PRPF40B: variants seen among roughly 807,000 people sequenced by gnomAD.
PRPF40B encodes pre-mRNA-processing factor 40 homolog B.
PRPF40B carries 56 observed loss-of-function variants against 124.5 expected under a neutral mutation model. The ratio of observed to expected loss-of-function variants is 0.45; its 90% CI spans 0.36 to 0.56. The LOEUF (loss-of-function observed/expected upper bound fraction) is 0.56, where lower values mean the gene tolerates loss of function less well. Among genes scored for constraint, PRPF40B ranks in the 20% least tolerant of loss-of-function variants. The probability of loss-of-function intolerance (pLI) is 0.00; values close to 1 mark genes in which losing one functional copy is unlikely to be tolerated. For missense variants in PRPF40B, 1,053 were observed against 1,169.5 expected (o/e 0.90, Z 1.45); for synonymous variants, 443 against 426.4 (o/e 1.04, Z -0.48).
chr12:49,631,392 C>A lies in PRPF40B; in HGVS notation c.85-9C>A, dbSNP rs200282180. The A allele has an allele frequency of 1.3e-6, 2 of 1,512,516 alleles. No individual in the cohort carries two copies. Among genetic ancestry groups the A allele is most frequent in the East Asian group, 2.4e-5 (1 of 42,302 alleles). The allele number at this position is 1,512,516 out of a possible 1,614,324, so 93.7% of individuals were successfully genotyped here. On this transcript the variant is annotated splice_polypyrimidine_tract_variant and intron_variant, in intron 2 of 25. Transcript: ENST00000548825. The surrounding 1 kb of genome is among the most constrained non-coding windows in gnomAD (Gnocchi z 4.3). ...CCTGCTCAGTATCTCTTCCTTTACT[C>A]ATTTCCAGATGCCCCCTCCAGGGAT...
chr12:49,634,146 G>A, intron 10 of PRPF40B, 54 bp downstream of exon 10: 1 of 1,592,236 alleles, frequency 6.3e-7, no homozygotes, highest in East Asian at 2.3e-5. Context: ...TCCCAGCCTG[G>A]TTCAACCCTT....
intron 22 of PRPF40B, 41 bp from the exon 23 acceptor site, chr12:49,643,182 A>T: frequency 6.2e-7 from 1 of 1,609,546 alleles, no homozygotes; most frequent in Non-Finnish European, 8.5e-7. Flanking sequence ...TCTGGAGGGC[A>T]GAGAACCTCT....
chr12:49,634,500 C>T lies in PRPF40B; in HGVS notation c.937-38C>T, dbSNP rs368702105. The stretch of plus-strand genomic sequence containing the variant: ...AGGGAAGGTTTGGAGGGGGCTGGAG[C>T]GGGGCAGGCCCCATGACTCCCACCT... On this transcript the variant is annotated intron_variant, in intron 11 of 25. Transcript: ENST00000548825. The T allele has an allele frequency of 2.1e-4, 346 of 1,613,986 alleles. 1 individual carries two copies. The highest frequency in any genetic ancestry group is 3.3e-4 in the Middle Eastern group (2 of 6,084).
intron 1 of PRPF40B, among the ~76,000 whole-genome samples, chr12:49,629,516 G>A (rs1357262420): frequency 1.3e-5 from 2 of 152,132 alleles, no homozygotes; most frequent in Non-Finnish European, 2.9e-5. Context: ...GATTTGTTCT[G>A]TTTGTTCTTC....
chr12:49,635,005 C>T lies in PRPF40B; in HGVS notation c.1002-94C>T, dbSNP rs181668769. 9 of 1,315,034 alleles carry T rather than the reference C, an allele frequency of 6.8e-6. No individual in the cohort carries two copies. In the East Asian group the frequency reaches 1.4e-4, roughly 21 times the overall value. 81.5% of individuals were successfully genotyped at this position (1,315,034 alleles called of 1,614,324 possible). A position where few individuals can be genotyped will look rare whatever the true frequency, so the allele number is the denominator to read the frequency against. On this transcript the variant is annotated intron_variant, in intron 12 of 25. Transcript: ENST00000548825. This position sits in a 1 kb window ranked among gnomAD's most constrained non-coding sequence, Gnocchi z 4.1. ...GACATCTGTGCCCTTGGAGCCCCTG[C>T]AGCCTGCAGTGTCTCATGACCCTCC...
At position 49,633,001 on chromosome 12, in the gene PRPF40B, C is replaced by G. The variant is rs757857705; in HGVS notation, c.349-13C>G. On this transcript the variant is annotated splice_polypyrimidine_tract_variant and intron_variant, in intron 6 of 25. Transcript: ENST00000548825. ...GGCCTTGACCACCATTCTGTGCCCCCCCCCCCACCCAGAGGGCCCTATGGA... is the reference window on the plus strand; with the variant it reads ...GGCCTTGACCACCATTCTGTGCCCCGCCCCCCACCCAGAGGGCCCTATGGA... The G allele has an allele frequency of 6.4e-5, 33 of 518,624 alleles. No individual in the cohort carries two copies. Among genetic ancestry groups the G allele is most frequent in the Middle Eastern group, 4.7e-4 (1 of 2,126 alleles). 32.1% of individuals were successfully genotyped at this position (518,624 alleles called of 1,614,324 possible).
Position 49,634,450 on chromosome 12 carries a change from G to A in PRPF40B, c.931G>A (p.Asp311Asn). Residue 311 changes from aspartate to asparagine, a missense_variant, in exon 11 of 26, where the codon GAC (aspartate) becomes AAC (asparagine). By Grantham distance (23) the Asp-to-Asn change is conservative. Around this residue, in one of 2 missense-constraint regions of PRPF40B, gnomAD observed 895 missense variants for 1,052.2 expected, o/e 0.85. Coordinates refer to ENST00000548825, the MANE Select transcript of PRPF40B (RefSeq NM_001031698.3). ...AKQAFKELLRDKAVPSNASWE... is the reference protein window; with the variant it reads ...AKQAFKELLRNKAVPSNASWE... ...GCAGGCATTCAAGGAACTGCTGAGG[G>A]ACAAGGTGCTGGAGTGGGGCTCCCA... The A allele has an allele frequency of 6.2e-7, 1 of 1,614,146 alleles. No homozygotes were observed. Among genetic ancestry groups the A allele is most frequent in the Non-Finnish European group, 8.5e-7 (1 of 1,179,974 alleles).
At chr12:49,626,618 T>C (rs1940739527) in intron 1 of PRPF40B, among the ~76,000 whole-genome samples, 1 of 152,134 alleles carries the variant, frequency 6.6e-6, no homozygotes. Context: ...AGGGAAGCCA[T>C]TGAGTCAGGA....
In PRPF40B at chr12:49,635,068, AT is replaced by A. The variant is rs758056400; in HGVS notation, c.1002-30del. 4 of 1,593,704 alleles carry A rather than the reference AT, an allele frequency of 2.5e-6. No homozygotes were observed. Among genetic ancestry groups the A allele is most frequent in the East Asian group, 4.5e-5 (2 of 44,822 alleles). ...GCAGAGTGGTTCGGGTGACTTCTCTATCCCCACCCCACTCCTACCCTCTATC... is the reference window on the plus strand; with the variant it reads ...GCAGAGTGGTTCGGGTGACTTCTCTACCCCACCCCACTCCTACCCTCTATC... On this transcript the variant is annotated intron_variant, in intron 12 of 25. Coordinates refer to ENST00000548825, the MANE Select transcript of PRPF40B (RefSeq NM_001031698.3). This position sits in a 1 kb window ranked among gnomAD's most constrained non-coding sequence, Gnocchi z 4.1.
At position 49,637,583 on chromosome 12, in the gene PRPF40B, G is replaced by A. The variant is rs766280125; in HGVS notation, c.1674G>A (p.Pro558=). 16 of 1,612,962 alleles carry A rather than the reference G, an allele frequency of 9.9e-6. No individual in the cohort carries two copies. Among genetic ancestry groups the A allele is most frequent in the Admixed American group, 8.3e-5 (5 of 59,996 alleles). ...DVRFANMLGQ[P]GSTPLDLFKF... is the part of the protein sequence containing the mutation. ...GCTTTGCCAACATGCTGGGCCAGCC[G>A]GGTAAGGCAGCCAGGCTCCCCCTTC... The change falls in exon 17 of 26, where the codon CCG becomes CCA. Residue 558 remains proline, a splice_region_variant and synonymous_variant. Coordinates refer to ENST00000548825, the MANE Select transcript of PRPF40B (RefSeq NM_001031698.3).
intron 18 of PRPF40B, chr12:49,640,062 C>T (rs1019771551): frequency 6.6e-6 from 1 of 152,198 alleles, no homozygotes; most frequent in African/African-American, 2.4e-5. Flanking sequence ...CAGTTCCCTT[C>T]CTCTTTCCCC....
intron 12 of PRPF40B, 122 bp from the exon 13 acceptor site, chr12:49,634,977 C>A: frequency 9.6e-7 from 1 of 1,044,092 alleles, no homozygotes. Context: ...TGTTCAGATC[C>A]CAGACATCTG....
At chr12:49,637,664 G>A (rs920244892) in intron 17 of PRPF40B, 69 bp from the exon 18 acceptor site, 9 of 1,553,762 alleles carry the variant, frequency 5.8e-6, no homozygotes, top group South Asian at 5.6e-5. Context: ...ACCGGCTCCT[G>A]TCCTCGGCCC....
chr12:49,636,897 C>T lies in PRPF40B; in HGVS notation c.1560+48C>T, dbSNP rs770279133. 6.2e-6 allele frequency: 10 copies of T among 1,610,650 alleles called. No individual in the cohort carries two copies. In the East Asian group the frequency reaches 2.2e-4, roughly 36 times the overall value. On this transcript the variant is annotated intron_variant, in intron 16 of 25. Transcript: ENST00000548825. Reference sequence around the variant, plus strand: ...ATCAGAGCTCAGCTCTGCCCTAGAGCACAACCTCTTCACCCATTCCCTGCC... The same window carrying T: ...ATCAGAGCTCAGCTCTGCCCTAGAGTACAACCTCTTCACCCATTCCCTGCC...
At position 49,636,852 on chromosome 12, in the gene PRPF40B, A is replaced by G. The variant is rs747427823; in HGVS notation, c.1560+3A>G. ...GCAAGAATCGGGAGGCCTTCCAGGT[A>G]TCTTTGCTGTCCTTTCTAGATCAGA... On this transcript the variant is annotated splice_donor_region_variant and intron_variant, in intron 16 of 25. Transcript: ENST00000548825. 4.3e-6 allele frequency: 7 copies of G among 1,613,598 alleles called. No homozygotes were observed. The highest frequency in any genetic ancestry group is 1.1e-5 in the South Asian group (1 of 91,054).
rs1307215753 is a variant in PRPF40B, at chr12:49,642,170, T to C, written c.1885-65T>C. The C allele has an allele frequency of 1.7e-5, 28 of 1,613,038 alleles. No individual in the cohort carries two copies. Among genetic ancestry groups the C allele is most frequent in the Non-Finnish European group, 2.2e-5 (26 of 1,179,344 alleles). On this transcript the variant is annotated intron_variant, in intron 19 of 25. Coordinates refer to ENST00000548825, the MANE Select transcript of PRPF40B (RefSeq NM_001031698.3). The surrounding 1 kb of genome is among the most constrained non-coding windows in gnomAD (Gnocchi z 5.8). Reference sequence around the variant, plus strand: ...CCCTAACTTTCCACCTCCTAAGGTATGCCTGAGTGGGACCTGGCATCCACC... The same window carrying C: ...CCCTAACTTTCCACCTCCTAAGGTACGCCTGAGTGGGACCTGGCATCCACC...
chr12:49,629,577 A>G (rs890169272), intron 1 of PRPF40B, among the ~76,000 whole-genome samples: 2 of 152,244 alleles, frequency 1.3e-5, no homozygotes, highest in Admixed American at 6.5e-5. Flanking sequence ...GCTGGTAGGT[A>G]CCAGGAATAC....
intron 18 of PRPF40B, chr12:49,640,391 C>G (rs559230766): frequency 6.6e-6 from 1 of 152,292 alleles, no homozygotes; most frequent in African/African-American, 2.4e-5. Context: ...CAGGAACATG[C>G]ATATGCAAGA....
intron 12 of PRPF40B, 171 bp downstream of exon 12, chr12:49,634,773 A>G (rs779586305): frequency 4.0e-5 from 29 of 722,406 alleles, no homozygotes; most frequent in Non-Finnish European, 6.3e-5. Flanking sequence ...GGAGAAGGAA[A>G]GGAAAGGTAT....
Sources: gnomAD v4.1 joint callset for allele counts (sites outside exome capture counted in the v4.1 genomes callset) on GRCh38, gnomAD v4.1.1 for gene constraint, gnomAD v4.1.1 regional missense constraint, Gnocchi (gnomAD v3.1) non-coding constraint, MANE v1.5 for transcripts, NCBI Gene and HGNC (gene_info 2026-07-23, HGNC 2026-07-21) for gene names.